The following HUWE1 variants were observed in gnomAD, a reference collection of about 807,000 sequenced individuals.
The protein encoded by HUWE1 is E3 ubiquitin-protein ligase HUWE1.
A neutral mutation model predicts 299.4 loss-of-function variants in HUWE1; 18 were observed. The observed-to-expected ratio is 0.06, with a 90% CI of 0.04 to 0.09. The LOEUF is 0.09. Ranked by LOEUF, HUWE1 falls within the 10% of genes least tolerant of loss-of-function variation. HUWE1 has a pLI of 1.00. For missense variants in HUWE1, 1,832 were observed against 3,462.3 expected (o/e 0.53, Z 11.82); for synonymous variants, 1,317 against 1,286.1 (o/e 1.02, Z -0.51).
intron 7 of HUWE1, among the ~76,000 whole-genome samples, chrX:53,634,762 CCT>C (rs200367182): frequency 0.011 from 1,185 of 112,486 alleles, 22 homozygotes; most frequent in African/African-American, 0.037. Flanking sequence ...CTTTCCAGTT[CCT>C]CTCTTTTTGA....
chrX:53,601,009 T>C (rs782342964), intron 28 of HUWE1, among the ~76,000 whole-genome samples: 1 of 112,283 alleles, frequency 8.9e-6, no homozygotes, highest in Non-Finnish European at 1.9e-5. Context: ...TTGACTAAAT[T>C]TGAAATTCTC....
rs1557006817 is a variant in HUWE1 at position 53,615,734 on chromosome X, C to T, written c.2049+10G>A. ...CTCATGCTCATGGTCACATCCTTAT[C>T]ACTTTCTACCTTGATGATGGCAGTC... On this transcript the variant is annotated intron_variant, in intron 22 of 83. Transcript: ENST00000262854. 1 of 1,186,685 alleles carries T rather than the reference C, an allele frequency of 8.4e-7. No individual in the cohort carries two copies. The highest frequency in any genetic ancestry group is 1.8e-5 in the South Asian group (1 of 56,170).
intron 81 of HUWE1, 67 bp downstream of exon 81, chrX:53,535,317 A>AT: frequency 1.4e-6 from 1 of 694,801 alleles, no homozygotes; most frequent in East Asian, 3.2e-5. Flanking sequence ...AAACATGCCT[A>AT]TCAAATGAAT....
chrX:53,546,195 C>T (rs1331706778), intron 70 of HUWE1, among the ~76,000 whole-genome samples: 2 of 110,995 alleles, frequency 1.8e-5, no homozygotes, highest in African/African-American at 6.6e-5. Context: ...CATTAAGCAC[C>T]ACTGTGTGCC....
At chrX:53,558,618 C>CA in intron 59 of HUWE1, 37 bp downstream of exon 59, 1 of 1,182,083 alleles carries the variant, frequency 8.5e-7, no homozygotes, top group Non-Finnish European at 1.2e-6. Context: ...ACGGCAGACA[C>CA]AGTCAAAGAT....
intron 78 of HUWE1, 31 bp from the exon 79 acceptor site, chrX:53,536,698 T>C (rs782753023): frequency 8.5e-7 from 1 of 1,173,423 alleles, no homozygotes; most frequent in African/African-American, 1.7e-5. Flanking sequence ...AGAAAAGAGC[T>C]GTGCAGAAAA....
chrX:53,578,353 TG>T (rs1171577774), intron 43 of HUWE1, among the ~76,000 whole-genome samples: 86 of 81,529 alleles, frequency 1.1e-3, no homozygotes, highest in Middle Eastern at 7.6e-3. Context: ...GGGAGGGAGG[TG>T]GGGGGGGGTC....
chrX:53,547,564 C>G (rs2061599071), intron 68 of HUWE1, 109 bp downstream of exon 68: 2 of 1,118,740 alleles, frequency 1.8e-6, no homozygotes, highest in East Asian at 6.4e-5. Flanking sequence ...CTCACAAACA[C>G]AAACCAAGCT....
intron 15 of HUWE1, 106 bp from the exon 16 acceptor site, chrX:53,627,985 CAGT>C: frequency 1.4e-6 from 1 of 692,074 alleles, no homozygotes; most frequent in Non-Finnish European, 2.3e-6. Flanking sequence ...TAAGGCAGCA[CAGT>C]ATGGGGGAAA....
chrX:53,572,636 CACTT>C (rs1346444113), intron 47 of HUWE1, among the ~76,000 whole-genome samples: 2 of 111,736 alleles, frequency 1.8e-5, no homozygotes, highest in Non-Finnish European at 3.8e-5. Context: ...ATGCCCCACT[CACTT>C]AAAAAATCTA....
intron 4 of HUWE1, among the ~76,000 whole-genome samples, chrX:53,649,598 TCCTTCCATAAA>T (rs1374223547): frequency 8.9e-6 from 1 of 111,929 alleles, no homozygotes; most frequent in Non-Finnish European, 1.9e-5. Flanking sequence ...TGGCACAAAA[TCCTTCCATAAA>T]CCAGGCCTGC....
chrX:53,617,058 C>T lies in HUWE1; in HGVS notation c.1869G>A (p.Gln623=), dbSNP rs149955783. ...LNARGLQSFV[Q]CQPFERLFKV... ...TGAAGAGGCGTTCAAAAGGCTGACA[C>T]TGAACAAAAGACTGAAGACCTCGGG... The change falls in exon 21 of 84, where the codon CAG becomes CAA. Residue 623 remains glutamine, a synonymous_variant. Coordinates refer to ENST00000262854, the MANE Select transcript of HUWE1 (RefSeq NM_031407.7). 9 of 1,210,393 alleles carry T rather than the reference C, an allele frequency of 7.4e-6. No homozygotes were observed. The highest frequency in any genetic ancestry group is 4.6e-4 in the Middle Eastern group (2 of 4,352).
Position 53,551,125 on chromosome X carries a change from G to A in HUWE1, c.9161C>T (p.Thr3054Ile). 8.3e-7 allele frequency: 1 copy of A among 1,211,856 alleles called. No individual in the cohort carries two copies. The highest frequency in any genetic ancestry group is 1.1e-6 in the Non-Finnish European group (1 of 895,433). Residue 3054 changes from threonine to isoleucine, a missense_variant, in exon 65 of 84, where the codon ACC (threonine) becomes ATC (isoleucine). Physicochemically the swap from Thr to Ile is moderately conservative, Grantham distance 89 (BLOSUM62 -1). This residue lies in a region of HUWE1 where 91 missense variants were observed against 281.2 expected (regional missense o/e 0.32). Coordinates refer to ENST00000262854, the MANE Select transcript of HUWE1 (RefSeq NM_031407.7). ...RELAQNASSD[T>I]PMDPVTFIQT... ...GATGAAGGTCACAGGGTCCATAGGG[G>A]TGTCTGAGCTGGCATTCTGTGCTAG...
At chrX:53,570,161 C>A (rs1424200481) in intron 47 of HUWE1, among the ~76,000 whole-genome samples, 2 of 111,930 alleles carry the variant, frequency 1.8e-5, no homozygotes, top group Non-Finnish European at 3.8e-5. Flanking sequence ...TTGCCCAGGC[C>A]AGAGTACAGT....
chrX:53,571,688 T>C (rs1312935989), intron 47 of HUWE1, among the ~76,000 whole-genome samples: 13 of 111,951 alleles, frequency 1.2e-4, no homozygotes, highest in Admixed American at 7.6e-4. Flanking sequence ...AAGAGCTGAA[T>C]AGACATTTCC....
chrX:53,652,736 C>CAGAT (rs2068548576), intron 4 of HUWE1, among the ~76,000 whole-genome samples: 1 of 111,960 alleles, frequency 8.9e-6, no homozygotes, highest in Non-Finnish European at 1.9e-5. Context: ...ATTCCAATGT[C>CAGAT]AGATACAAAA....
At chrX:53,588,286 A>G in intron 37 of HUWE1, 96 bp downstream of exon 37, 1 of 929,108 alleles carries the variant, frequency 1.1e-6, no homozygotes. Flanking sequence ...CTCATGCCTT[A>G]TTCTTCGCTT....
Position 53,656,919 on chromosome X carries a change from T to TA in HUWE1, c.-24-2789dup, listed in dbSNP as rs373736663. On this transcript the variant is annotated intron_variant, in intron 3 of 83. Transcript: ENST00000262854. The stretch of plus-strand genomic sequence containing the variant: ...TGCCCAACTGATTTTTGACAAAGGT[T>TA]AAAAAAAAAAACAATTCAGTCAAGG... Among the ~76,000 whole-genome samples, 184 of 102,367 alleles carry TA rather than the reference T, an allele frequency of 1.8e-3. 1 individual carries two copies. Among genetic ancestry groups the TA allele is most frequent in the South Asian group, 7.0e-3 (17 of 2,437 alleles). 88.9% of individuals were successfully genotyped at this position (102,367 alleles called of 115,157 possible). A position where few individuals can be genotyped will look rare whatever the true frequency, so the allele number is the denominator to read the frequency against.
Position 53,547,763 on chromosome X carries a change from C to G in HUWE1, c.10546G>C (p.Ala3516Pro), listed in dbSNP as rs915089345. The G allele has an allele frequency of 4.2e-6, 5 of 1,201,251 alleles. No individual in the cohort carries two copies. Among genetic ancestry groups the G allele is most frequent in the Non-Finnish European group, 5.6e-6 (5 of 890,227 alleles). The change falls in exon 68 of 84, where the codon GCC (alanine) becomes CCC (proline). Residue 3516 changes from alanine to proline, a missense_variant. Physicochemically the swap from Ala to Pro is conservative, Grantham distance 27. This residue lies in a region of HUWE1 where 119 missense variants were observed against 124.6 expected (regional missense o/e 0.96). Coordinates refer to ENST00000262854, the MANE Select transcript of HUWE1 (RefSeq NM_031407.7). ...TAPTPVTSAP[A>P]LVAATAISTI... ...GAAATAGCCGTGGCAGCAACCAGGG[C>G]TGGAGCAGAAGTGACAGGGGTGGGT...
Sources: allele counts gnomAD v4.1 joint callset (sites outside exome capture counted in the v4.1 genomes callset), GRCh38; gene constraint gnomAD v4.1.1; regional missense constraint gnomAD v4.1.1; transcripts MANE v1.5; gene names NCBI Gene and HGNC (gene_info 2026-07-23, HGNC 2026-07-21).